Variants in XPR1 observed in about 807,000 individuals in gnomAD.
XPR1 encodes the protein solute carrier family 53 member 1.
Under a neutral mutation model 87.5 loss-of-function variants are expected in XPR1, and 28 were observed. That is an observed-to-expected ratio of 0.32 (90% CI 0.24 to 0.44). XPR1 has a LOEUF of 0.44. Ranked by LOEUF, XPR1 falls within the 20% of genes least tolerant of loss-of-function variation. The pLI is 1.00. For missense variants in XPR1, 559 were observed against 862.3 expected, an observed-to-expected ratio of 0.65 and a Z score of 4.41; for synonymous variants, 300 against 306.1, an observed-to-expected ratio of 0.98 and a Z score of 0.21.
At chr1:180,678,015 T>C (rs1216927225) in intron 1 of XPR1, among the ~76,000 whole-genome samples, 1 of 152,228 alleles carries the variant, frequency 6.6e-6, no homozygotes, top group Non-Finnish European at 1.5e-5. Context: ...GATAATTTGC[T>C]AGAACTACCC....
intron 1 of XPR1, among the ~76,000 whole-genome samples, chr1:180,667,157 T>C (rs1655991953): frequency 6.6e-6 from 1 of 152,230 alleles, no homozygotes; most frequent in Admixed American, 6.5e-5. Flanking sequence ...TCAAGCGATC[T>C]GCCTGCCTTG....
chr1:180,685,863 T>G (rs1156655191), intron 2 of XPR1, among the ~76,000 whole-genome samples: 3 of 152,206 alleles, frequency 2.0e-5, no homozygotes, highest in African/African-American at 4.8e-5. Context: ...TTGTGTCTAT[T>G]TGATTCTTCT....
At chr1:180,702,181 C>A (rs1453984219) in intron 2 of XPR1, among the ~76,000 whole-genome samples, 2 of 89,164 alleles carry the variant, frequency 2.2e-5, no homozygotes, top group Non-Finnish European at 4.3e-5. Flanking sequence ...TTTCTGCCTT[C>A]ATTTCGTTAT....
At chr1:180,867,294 G>A (rs2102213081) in intron 12 of XPR1, among the ~76,000 whole-genome samples, 1 of 90,848 alleles carries the variant, frequency 1.1e-5, no homozygotes, top group Non-Finnish European at 2.3e-5. Context: ...TGTCTTTAGA[G>A]CAGCATGATT....
In XPR1 at chr1:180,861,376, A is replaced by G. The variant is rs558088047; in HGVS notation, c.1502-2332A>G. ...TGCTTTATTCTTTGTGAACCTTAGT[A>G]GATGAATTGTAGTATCTTTTTTAAT... On this transcript the variant is annotated intron_variant, in intron 11 of 14. Transcript: ENST00000367590. 3.2e-3 allele frequency among the ~76,000 whole-genome samples: 491 copies of G among 152,256 alleles called. 3 individuals are homozygous for G. Among genetic ancestry groups the G allele is most frequent in the African/African-American group, 1.0e-2 (414 of 41,574 alleles).
At chr1:180,873,968 TAA>T in intron 13 of XPR1, 26 bp downstream of exon 13, 1 of 1,598,714 alleles carries the variant, frequency 6.3e-7, no homozygotes, top group Non-Finnish European at 8.5e-7. Context: ...AAAAGTTTAT[TAA>T]AGATTCTTTT....
chr1:180,829,156 A>T (rs1419773093), intron 9 of XPR1, among the ~76,000 whole-genome samples: 1 of 152,190 alleles, frequency 6.6e-6, no homozygotes, highest in Non-Finnish European at 1.5e-5. Context: ...AAATTGTACC[A>T]CTGCACTCCA....
At chr1:180,802,716 TCTA>T (rs1649835925) in intron 3 of XPR1, among the ~76,000 whole-genome samples, 2 of 152,172 alleles carry the variant, frequency 1.3e-5, no homozygotes, top group South Asian at 2.1e-4. Context: ...CAAGCAGTAA[TCTA>T]CTTTCTTTCT....
intron 2 of XPR1, among the ~76,000 whole-genome samples, chr1:180,782,975 CAG>C (rs1383282761): frequency 3.3e-5 from 5 of 151,904 alleles, no homozygotes; most frequent in Non-Finnish European, 5.9e-5. Flanking sequence ...TTCTCCAATT[CAG>C]AGTTACTGAT....
At chr1:180,780,767 C>CAAAAAAAAAA (rs756960289) in intron 2 of XPR1, among the ~76,000 whole-genome samples, 2 of 106,074 alleles carry the variant, frequency 1.9e-5, no homozygotes, top group African/African-American at 7.5e-5. Context: ...GACTCTGTCT[C>CAAAAAAAAAA]AAAAAAAAAA....
Position 180,696,208 on chromosome 1 carries a change from G to GTGTGTA in XPR1, c.121+13798_121+13799insGTGTAT, listed in dbSNP as rs1241189679. On this transcript the variant is annotated intron_variant, in intron 2 of 14. Coordinates refer to ENST00000367590, the MANE Select transcript of XPR1 (RefSeq NM_004736.4). Reference sequence around the variant, plus strand: ...TGTGTGTGTGTGTGTGTGTGTGTGTGTATATATATATATATATATATATTA... The same window carrying GTGTGTA: ...TGTGTGTGTGTGTGTGTGTGTGTGTGTGTGTATATATATATATATATATATATATTA... Among the ~76,000 whole-genome samples the GTGTGTA allele has an allele frequency of 2.8e-3, 246 of 88,512 alleles. 1 individual carries two copies. Among genetic ancestry groups the GTGTGTA allele is most frequent in the African/African-American group, 7.5e-3 (200 of 26,660 alleles). The allele number at this position is 88,512 out of a possible 152,430, so 58.1% of individuals were successfully genotyped here.
chr1:180,670,473 A>G (rs1374384176), intron 1 of XPR1, among the ~76,000 whole-genome samples: 1 of 152,224 alleles, frequency 6.6e-6, no homozygotes, highest in Non-Finnish European at 1.5e-5. Context: ...CTTAACTTCA[A>G]TAACATACAA....
At chr1:180,678,209 G>A (rs191419223) in intron 1 of XPR1, among the ~76,000 whole-genome samples, 45 of 152,302 alleles carry the variant, frequency 3.0e-4, no homozygotes, top group Admixed American at 2.4e-3. Context: ...GGTTTTTATG[G>A]TGGTTTCACT....
rs138879807 is a variant in XPR1 at position 180,634,486 on chromosome 1, G to A, written c.69+2216G>A. The stretch of plus-strand genomic sequence containing the variant: ...AGAGAGATGTAAATAAGAGTCTTTA[G>A]AGTCCAGGAATTTTAGCAGTTTAAA... On this transcript the variant is annotated intron_variant, in intron 1 of 14. Coordinates refer to ENST00000367590, the MANE Select transcript of XPR1 (RefSeq NM_004736.4). Among the ~76,000 whole-genome samples, 662 of 152,250 alleles carry A rather than the reference G, an allele frequency of 4.3e-3. 2 individuals carry two copies. The highest frequency in any genetic ancestry group is 0.011 in the South Asian group (51 of 4,824).
At chr1:180,820,494 A>G (rs980117977) in intron 7 of XPR1, among the ~76,000 whole-genome samples, 7 of 152,154 alleles carry the variant, frequency 4.6e-5, no homozygotes, top group South Asian at 2.1e-4. Flanking sequence ...CATTTTGTGT[A>G]TGTATCACAA....
chr1:180,870,260 TGTG>T (rs1652499060), intron 12 of XPR1, among the ~76,000 whole-genome samples: 1 of 35,978 alleles, frequency 2.8e-5, no homozygotes, highest in African/African-American at 1.2e-4. Context: ...TTGGAATAGG[TGTG>T]GTGTGGTGCT....
chr1:180,853,791 G>GTTTTTTTTTT (rs374408714), intron 11 of XPR1, among the ~76,000 whole-genome samples: 31 of 109,318 alleles, frequency 2.8e-4, no homozygotes, highest in South Asian at 6.2e-4. Flanking sequence ...CATTCATGTG[G>GTTTTTTTTTT]TTTTTTTTTT....
At chr1:180,694,941 T>C (rs1557960963) in intron 2 of XPR1, among the ~76,000 whole-genome samples, 1 of 152,182 alleles carries the variant, frequency 6.6e-6, no homozygotes, top group East Asian at 1.9e-4. Flanking sequence ...AAGTGGTCAT[T>C]CTATTTTTAG....
At chr1:180,805,055 C>T (rs1410721354) in intron 4 of XPR1, among the ~76,000 whole-genome samples, 1 of 152,112 alleles carries the variant, frequency 6.6e-6, no homozygotes, top group Non-Finnish European at 1.5e-5. Flanking sequence ...GAAAGTTCTG[C>T]TTTATCTTCT....
Sources: gnomAD v4.1 joint callset for allele counts (sites outside exome capture counted in the v4.1 genomes callset) on GRCh38, gnomAD v4.1.1 for gene constraint, MANE v1.5 for transcripts, NCBI Gene and HGNC (gene_info 2026-07-23, HGNC 2026-07-21) for gene names.